Variants in PRDM13 observed in about 807,000 individuals in gnomAD.
PRDM13 encodes PR/SET domain 13.
Under a neutral mutation model 36.4 loss-of-function variants are expected in PRDM13, and 15 were observed. The observed-to-expected ratio is 0.41, with a 90% CI of 0.28 to 0.64. The LOEUF is 0.64. PRDM13 is among the 30% of genes least tolerant of loss of function. PRDM13 has a pLI of 0.29. For synonymous variants in PRDM13, 531 were observed against 467.7 expected (o/e 1.14, Z -1.75); for missense variants, 1,044 against 1,013.5 (o/e 1.03, Z -0.41).
At position 99,608,765 on chromosome 6, in the gene PRDM13, G is replaced by T. The variant is rs777452565; in HGVS notation, c.169G>T (p.Val57Leu). 9 of 1,611,938 alleles carry T rather than the reference G, an allele frequency of 5.6e-6. No homozygotes were observed. The highest frequency in any genetic ancestry group is 6.8e-6 in the Non-Finnish European group (8 of 1,179,096). The change falls in exon 2 of 4, where the codon GTG (valine) becomes TTG (leucine). Residue 57 changes from valine (V) to leucine (L), a missense_variant. Coordinates refer to ENST00000369215, the MANE Select transcript of PRDM13 (RefSeq NM_021620.4). ...GGTGCGCATGGTGAGAGGGGAGCTG[G>T]TGGACGAGTCGGGGGGCTCCCCTCT... ...KKVRMVRGELVDESGGSPLEW... is the reference protein window; with the variant it reads ...KKVRMVRGELLDESGGSPLEW...
chr6:99,614,913 C>T lies in PRDM13; in HGVS notation c.*154C>T. 1 of 1,011,072 alleles carries T rather than the reference C, an allele frequency of 9.9e-7. No individual in the cohort carries two copies. Among genetic ancestry groups the T allele is most frequent in the South Asian group, 1.7e-5 (1 of 57,220 alleles). 62.6% of individuals were successfully genotyped at this position (1,011,072 alleles called of 1,614,324 possible). On this transcript the variant is annotated 3_prime_UTR_variant, in exon 4 of 4. Coordinates refer to ENST00000369215, the MANE Select transcript of PRDM13 (RefSeq NM_021620.4). ...CCAGATTTGAAACAGTGAGAGGTCC[C>T]ACATCTGGTGCTGAAACTCAGAGCA... is the stretch of plus-strand genomic sequence containing the variant.
chr6:99,607,363 C>A (rs1769962929), intron 1 of PRDM13, among the ~76,000 whole-genome samples, 185 bp downstream of exon 1: 1 of 152,058 alleles, frequency 6.6e-6, no homozygotes, highest in Non-Finnish European at 1.5e-5. Flanking sequence ...TGGACGGGGT[C>A]GGGCTGAGAG....
At chr6:99,611,215 G>A (rs1350180574) in intron 3 of PRDM13, among the ~76,000 whole-genome samples, 1 of 152,174 alleles carries the variant, frequency 6.6e-6, no homozygotes, top group Admixed American at 6.5e-5. Context: ...GCTAACTTCA[G>A]TGGGTTTCAA....
At chr6:99,612,450 G>A (rs1358436888) in intron 3 of PRDM13, among the ~76,000 whole-genome samples, 1 of 152,182 alleles carries the variant, frequency 6.6e-6, no homozygotes, top group Non-Finnish European at 1.5e-5. Flanking sequence ...GAAAACCTCA[G>A]GCAAAGTGTT....
At chr6:99,608,227 C>CT (rs538401145) in intron 1 of PRDM13, among the ~76,000 whole-genome samples, 171 of 152,320 alleles carry the variant, frequency 1.1e-3, no homozygotes, top group Non-Finnish European at 2.0e-3. Flanking sequence ...TGCGGGCAAG[C>CT]TTTTCCCCGC....
At chr6:99,610,423 T>A in intron 3 of PRDM13, among the ~76,000 whole-genome samples, 1 of 152,224 alleles carries the variant, frequency 6.6e-6, no homozygotes, top group East Asian at 1.9e-4. Context: ...AACATCAAAA[T>A]AATGAATGCT....
Position 99,613,460 on chromosome 6 carries a change from G to T in PRDM13, c.825G>T (p.Val275=). 1 of 1,536,962 alleles carries T rather than the reference G, an allele frequency of 6.5e-7. No homozygotes were observed. Among genetic ancestry groups the T allele is most frequent in the East Asian group, 2.5e-5 (1 of 40,686 alleles). Residue 275 remains valine, a synonymous_variant, in exon 4 of 4, where the codon GTG becomes GTT. Coordinates refer to ENST00000369215, the MANE Select transcript of PRDM13 (RefSeq NM_021620.4). This position sits in a 1 kb window ranked among gnomAD's most constrained non-coding sequence, Gnocchi z 6.1. Reference sequence around the variant, plus strand: ...GACAAGGGCACTTCCTCGGCATCGTGGGCGGCTCCTCGGCGGGGGTCGGCA... The same window carrying T: ...GACAAGGGCACTTCCTCGGCATCGTTGGCGGCTCCTCGGCGGGGGTCGGCA... ...ARGQGHFLGI[V]GGSSAGVGSL... is the part of the protein sequence containing the mutation.
At chr6:99,610,126 T>G (rs1259744565) in intron 3 of PRDM13, among the ~76,000 whole-genome samples, 1 of 152,226 alleles carries the variant, frequency 6.6e-6, no homozygotes. Context: ...TGGCATTTAT[T>G]CATTTCCCCT....
intron 3 of PRDM13, among the ~76,000 whole-genome samples, chr6:99,611,214 A>C (rs1770026715): frequency 6.6e-6 from 1 of 152,190 alleles, no homozygotes; most frequent in Non-Finnish European, 1.5e-5. Context: ...AGCTAACTTC[A>C]GTGGGTTTCA....
chr6:99,613,604 C>A lies in PRDM13; in HGVS notation c.969C>A (p.Gly323=). The A allele has an allele frequency of 6.7e-7, 1 of 1,490,392 alleles. No individual in the cohort carries two copies. Among genetic ancestry groups the A allele is most frequent in the Non-Finnish European group, 8.8e-7 (1 of 1,130,116 alleles). 92.3% of individuals were successfully genotyped at this position (1,490,392 alleles called of 1,614,324 possible). The change falls in exon 4 of 4, where the codon GGC becomes GGA. Residue 323 remains glycine (G), a synonymous_variant. Coordinates refer to ENST00000369215, the MANE Select transcript of PRDM13 (RefSeq NM_021620.4). The surrounding 1 kb of genome is among the most constrained non-coding windows in gnomAD (Gnocchi z 6.1). ...AGAGCAGCAGCAAGCAAGGAGCCGGCCTCGCTTTGGGCAGGCTGCTGGGCG... is the reference window on the plus strand; with the variant it reads ...AGAGCAGCAGCAAGCAAGGAGCCGGACTCGCTTTGGGCAGGCTGCTGGGCG... The part of the protein sequence containing the change: ...REESSSKQGA[G]LALGRLLGGG...
chr6:99,608,157 G>T (rs1269974522), intron 1 of PRDM13, among the ~76,000 whole-genome samples: 1 of 152,166 alleles, frequency 6.6e-6, no homozygotes, highest in African/African-American at 2.4e-5. Context: ...AGCGGGGTTT[G>T]GTGCCCACCG....
In PRDM13 at chr6:99,613,492, C is replaced by G. The variant is rs776662471; in HGVS notation, c.857C>G (p.Ala286Gly). The G allele has an allele frequency of 6.5e-7, 1 of 1,527,052 alleles. No homozygotes were observed. The highest frequency in any genetic ancestry group is 1.4e-5 in the African/African-American group (1 of 71,132). The allele number at this position is 1,527,052 out of a possible 1,614,324, so 94.6% of individuals were successfully genotyped here. Residue 286 changes from alanine (A) to glycine (G), a missense_variant, in exon 4 of 4, where the codon GCT becomes GGT. By Grantham distance (60) the Ala-to-Gly change is moderately conservative (BLOSUM62 0). Transcript: ENST00000369215. The surrounding 1 kb of genome is among the most constrained non-coding windows in gnomAD (Gnocchi z 6.1). ...TCCTCGGCGGGGGTCGGCAGCCTGG[C>G]TTTCTACCCCGGCGTGCGCTCAGCT... ...GGSSAGVGSL[A>G]FYPGVRSAFK...
At position 99,614,444 on chromosome 6, in the gene PRDM13, C is replaced by T; in HGVS notation, c.1809C>T (p.Cys603=). Residue 603 remains cysteine, a synonymous_variant, in exon 4 of 4, where the codon TGC becomes TGT. Coordinates refer to ENST00000369215, the MANE Select transcript of PRDM13 (RefSeq NM_021620.4). The part of the protein sequence containing the change: ...RTHTGYKPLK[C]KVCLRPFGDP... The stretch of plus-strand genomic sequence containing the variant: ...ACACGGGCTACAAGCCACTCAAGTG[C>T]AAAGTCTGTCTGCGGCCCTTCGGCG... 6.2e-7 allele frequency: 1 copy of T among 1,613,630 alleles called. No individual in the cohort carries two copies. The highest frequency in any genetic ancestry group is 8.5e-7 in the Non-Finnish European group (1 of 1,180,014).
At position 99,613,505 on chromosome 6, in the gene PRDM13, C is replaced by T. The variant is rs1035992118; in HGVS notation, c.870C>T (p.Gly290=). Residue 290 remains glycine (G), a synonymous_variant, in exon 4 of 4, where the codon GGC becomes GGT. Transcript: ENST00000369215. This position sits in a 1 kb window ranked among gnomAD's most constrained non-coding sequence, Gnocchi z 6.1. ...TCGGCAGCCTGGCTTTCTACCCCGG[C>T]GTGCGCTCAGCTTTCAAGCCCGCCG... ...AGVGSLAFYP[G]VRSAFKPAGL... is the part of the protein sequence containing the mutation. 10 of 1,517,642 alleles carry T rather than the reference C, an allele frequency of 6.6e-6. No homozygotes were observed. Among genetic ancestry groups the T allele is most frequent in the Non-Finnish European group, 8.8e-6 (10 of 1,141,478 alleles). The allele number at this position is 1,517,642 out of a possible 1,614,324, so 94.0% of individuals were successfully genotyped here.
intron 3 of PRDM13, among the ~76,000 whole-genome samples, chr6:99,610,237 A>G (rs1031341568): frequency 3.3e-5 from 5 of 152,254 alleles, no homozygotes; most frequent in African/African-American, 1.2e-4. Context: ...AGGTGCAGTA[A>G]CTAAACAGAA....
intron 3 of PRDM13, among the ~76,000 whole-genome samples, chr6:99,612,074 T>G (rs1234234545): frequency 6.6e-6 from 1 of 152,234 alleles, no homozygotes; most frequent in Non-Finnish European, 1.5e-5. Context: ...ACCAAACACG[T>G]ATATAGTGCC....
chr6:99,613,684 C>T lies in PRDM13; in HGVS notation c.1049C>T (p.Ala350Val). The T allele has an allele frequency of 2.1e-6, 3 of 1,428,850 alleles. No homozygotes were observed. The highest frequency in any genetic ancestry group is 1.8e-6 in the Non-Finnish European group (2 of 1,106,502). 88.5% of individuals were successfully genotyped at this position (1,428,850 alleles called of 1,614,324 possible). Reference protein sequence around the residue: ...GSGENSAAGGAGHHHHHHAHH... With the variant: ...GSGENSAAGGVGHHHHHHAHH... ...GGGGAGAACTCGGCGGCGGGCGGCG[C>T]GGGTCACCACCATCACCACCACGCG... The change falls in exon 4 of 4, where the codon GCG becomes GTG. Residue 350 changes from alanine to valine, a missense_variant. Ala to Val is a moderately conservative substitution (Grantham distance 64, BLOSUM62 0). Coordinates refer to ENST00000369215, the MANE Select transcript of PRDM13 (RefSeq NM_021620.4). This position sits in a 1 kb window ranked among gnomAD's most constrained non-coding sequence, Gnocchi z 6.1.
intron 3 of PRDM13, among the ~76,000 whole-genome samples, chr6:99,609,906 A>T (rs199776405): frequency 1.5e-4 from 22 of 151,412 alleles, no homozygotes; most frequent in Non-Finnish European, 2.8e-4. Context: ...ATAAAAATAA[A>T]AAATAAAAAA....
chr6:99,607,753 G>A (rs1769970001), intron 1 of PRDM13, among the ~76,000 whole-genome samples: 1 of 152,214 alleles, frequency 6.6e-6, no homozygotes, highest in African/African-American at 2.4e-5. Context: ...GATGAGCAAG[G>A]TACTGGCTCT....
Sources: allele counts gnomAD v4.1 joint callset (sites outside exome capture counted in the v4.1 genomes callset), GRCh38; gene constraint gnomAD v4.1.1; non-coding constraint Gnocchi (gnomAD v3.1); transcripts MANE v1.5; gene names NCBI Gene and HGNC (gene_info 2026-07-23, HGNC 2026-07-21).